Variants in PALM2AKAP2 observed in about 807,000 individuals in gnomAD.
PALM2AKAP2 encodes PALM2-AKAP2 fusion protein.
In PALM2AKAP2, 37 loss-of-function variants were observed where a neutral mutation model predicts 71.5. The observed-to-expected ratio is 0.52, with a 90% CI of 0.40 to 0.68. The LOEUF is 0.68. Among genes scored for constraint, PALM2AKAP2 ranks in the 30% least tolerant of loss-of-function variants. The pLI is 0.00. For missense variants in PALM2AKAP2, 1,224 were observed against 1,191.8 expected (o/e 1.03, Z -0.40); for synonymous variants, 468 against 478.8 (o/e 0.98, Z 0.29).
chr9:110,080,765 G>A (rs2118692871), intron 1 of PALM2AKAP2, among the ~76,000 whole-genome samples: 1 of 152,210 alleles, frequency 6.6e-6, no homozygotes, highest in African/African-American at 2.4e-5. Flanking sequence ...CACAACCTCC[G>A]CCTCCCGGGT....
intron 3 of PALM2AKAP2, among the ~76,000 whole-genome samples, chr9:109,891,784 C>G (rs768281136): frequency 6.6e-6 from 1 of 152,108 alleles, no homozygotes; most frequent in Non-Finnish European, 1.5e-5. Context: ...AATCCCCGTG[C>G]CTGGCCATCA....
intron 2 of PALM2AKAP2, among the ~76,000 whole-genome samples, chr9:109,870,520 C>T (rs1414412358): frequency 6.6e-6 from 1 of 152,168 alleles, no homozygotes; most frequent in Non-Finnish European, 1.5e-5. Context: ...GTGCCTGGTA[C>T]TTTAAACACA....
chr9:110,136,628 A>G, exon 2 of PALM2AKAP2: 2 of 1,614,142 alleles, frequency 1.2e-6, no homozygotes, highest in South Asian at 1.1e-5. Flanking sequence ...GGCAGAAAGA[A>G]CAAATGGCCA....
At chr9:109,838,112 ACCACT>A (rs1229783798) in intron 1 of PALM2AKAP2, among the ~76,000 whole-genome samples, 3 of 152,290 alleles carry the variant, frequency 2.0e-5, no homozygotes, top group Non-Finnish European at 4.4e-5. Flanking sequence ...TTCAAACTTG[ACCACT>A]TGGTTGGAAG....
intron 1 of PALM2AKAP2, among the ~76,000 whole-genome samples, chr9:109,828,252 G>A (rs1448605918): frequency 6.6e-6 from 1 of 152,178 alleles, no homozygotes; most frequent in Non-Finnish European, 1.5e-5. Context: ...GTTTCCATGT[G>A]TGTGGCAGCT....
At chr9:110,090,916 G>A (rs1834690586) in intron 1 of PALM2AKAP2, among the ~76,000 whole-genome samples, 1 of 152,046 alleles carries the variant, frequency 6.6e-6, no homozygotes, top group African/African-American at 2.4e-5. Flanking sequence ...GTTAAGCTGG[G>A]AATGTATGAA....
intron 6 of PALM2AKAP2, among the ~76,000 whole-genome samples, chr9:109,954,239 G>A (rs897163985): frequency 6.6e-6 from 1 of 152,090 alleles, no homozygotes; most frequent in Non-Finnish European, 1.5e-5. Flanking sequence ...GCTGATGATG[G>A]TATTGTTACT....
At chr9:109,967,147 G>A (rs556574983) in intron 6 of PALM2AKAP2, among the ~76,000 whole-genome samples, 61 of 152,222 alleles carry the variant, frequency 4.0e-4, no homozygotes, top group African/African-American at 1.2e-3. Flanking sequence ...CCTCCCCCTC[G>A]TGTCCGGTGG....
chr9:109,703,358 C>T (rs1363142065), intron 1 of PALM2AKAP2, among the ~76,000 whole-genome samples: 1 of 152,068 alleles, frequency 6.6e-6, no homozygotes, highest in African/African-American at 2.4e-5. Flanking sequence ...ATTTTTCTTA[C>T]TATCTAAGTT....
chr9:109,708,009 A>G (rs1828169192), intron 1 of PALM2AKAP2, among the ~76,000 whole-genome samples: 1 of 151,940 alleles, frequency 6.6e-6, no homozygotes, highest in African/African-American at 2.4e-5. Context: ...CTCCATTTTC[A>G]CTGACACCAC....
intron 1 of PALM2AKAP2, among the ~76,000 whole-genome samples, chr9:109,661,658 G>A (rs1294795741): frequency 6.6e-6 from 1 of 152,080 alleles, no homozygotes; most frequent in Non-Finnish European, 1.5e-5. Context: ...CTCTTTTTTG[G>A]TTCCATATGA....
At chr9:110,013,951 A>G (rs2132331755) in intron 6 of PALM2AKAP2, among the ~76,000 whole-genome samples, 1 of 152,276 alleles carries the variant, frequency 6.6e-6, no homozygotes, top group East Asian at 1.9e-4. Flanking sequence ...GGGACAAACT[A>G]GCTGTTTTTG....
intron 1 of PALM2AKAP2, among the ~76,000 whole-genome samples, chr9:110,053,823 G>T (rs1017529408): frequency 6.6e-6 from 1 of 152,192 alleles, no homozygotes; most frequent in Non-Finnish European, 1.5e-5. Context: ...GTTGAAGGGG[G>T]TGTGACATGA....
At chr9:109,647,692 T>C (rs1417592767) in intron 1 of PALM2AKAP2, among the ~76,000 whole-genome samples, 1 of 152,224 alleles carries the variant, frequency 6.6e-6, no homozygotes, top group Non-Finnish European at 1.5e-5. Context: ...TGGTCTGTGC[T>C]CTTGCTCTGT....
chr9:110,168,846 G>A (rs1836796151), exon 4 of PALM2AKAP2: 1 of 228,778 alleles, frequency 4.4e-6, no homozygotes, highest in Non-Finnish European at 8.6e-6. Flanking sequence ...GGGCGATGAA[G>A]GACAATGGTG....
At chr9:110,069,214 A>G (rs983230730) in intron 1 of PALM2AKAP2, among the ~76,000 whole-genome samples, 3 of 152,234 alleles carry the variant, frequency 2.0e-5, no homozygotes, top group Admixed American at 2.0e-4. Flanking sequence ...ACCTATGATT[A>G]GCTGCTGCTG....
chr9:110,001,589 A>G (rs1439354165), intron 6 of PALM2AKAP2, among the ~76,000 whole-genome samples: 2 of 152,152 alleles, frequency 1.3e-5, no homozygotes, highest in Non-Finnish European at 2.9e-5. Context: ...CATTGAATCT[A>G]TAAATTACCT....
At chr9:109,903,831 T>C (rs1441752912) in intron 3 of PALM2AKAP2, among the ~76,000 whole-genome samples, 1 of 151,706 alleles carries the variant, frequency 6.6e-6, no homozygotes, top group Non-Finnish European at 1.5e-5. Context: ...CACATGTGCA[T>C]ACACAATCTT....
chr9:109,727,733 G>A (rs535536085), intron 1 of PALM2AKAP2, among the ~76,000 whole-genome samples: 4 of 151,986 alleles, frequency 2.6e-5, no homozygotes, highest in African/African-American at 7.3e-5. Context: ...TTCATGCACC[G>A]TAGTTAATGT....
Sources: gnomAD v4.1 joint callset for allele counts (sites outside exome capture counted in the v4.1 genomes callset) on GRCh38, gnomAD v4.1.1 for gene constraint, MANE v1.5 for transcripts, NCBI Gene and HGNC (gene_info 2026-07-23, HGNC 2026-07-21) for gene names.